The following ANO2 variants were observed in gnomAD, a reference collection of about 807,000 sequenced individuals.
The protein encoded by ANO2 is anoctamin 2, also known as anoctamin-2.
In ANO2, 101 loss-of-function variants were observed where a neutral mutation model predicts 124.2. The ratio of observed to expected loss-of-function variants is 0.81; its 90% CI spans 0.69 to 0.96. ANO2 has a LOEUF of 0.96. Among genes scored for constraint, ANO2 ranks in the 40% least tolerant of loss-of-function variants. The pLI is 0.00. For synonymous variants in ANO2, 486 were observed against 482.5 expected (o/e 1.01, Z -0.09); for missense variants, 1,293 against 1,274.5 (o/e 1.01, Z -0.22).
At chr12:5,885,334 T>C (rs932960899) in intron 3 of ANO2, among the ~76,000 whole-genome samples, 4 of 152,242 alleles carry the variant, frequency 2.6e-5, no homozygotes, top group African/African-American at 9.6e-5. Flanking sequence ...TGAATCAAAA[T>C]TGCACTAAAG....
intron 3 of ANO2, among the ~76,000 whole-genome samples, chr12:5,918,540 A>G (rs574124959): frequency 6.6e-6 from 1 of 151,860 alleles, no homozygotes; most frequent in South Asian, 2.1e-4. Flanking sequence ...CCCGGGTTCA[A>G]GCGATTCTTC....
intron 10 of ANO2, among the ~76,000 whole-genome samples, chr12:5,797,110 C>T (rs1307683746): frequency 1.3e-5 from 2 of 152,228 alleles, no homozygotes; most frequent in Non-Finnish European, 1.5e-5. Flanking sequence ...ATGAGGGCAA[C>T]TTCTCCGCGA....
chr12:5,728,288 T>C (rs1950519182), intron 14 of ANO2, among the ~76,000 whole-genome samples: 1 of 152,126 alleles, frequency 6.6e-6, no homozygotes. Flanking sequence ...TTAGAACTAA[T>C]AAATGAGTTC....
intron 15 of ANO2, among the ~76,000 whole-genome samples, chr12:5,639,290 A>G (rs372044057): frequency 6.6e-6 from 1 of 152,196 alleles, no homozygotes; most frequent in African/African-American, 2.4e-5. Flanking sequence ...TCATCGACAT[A>G]GTACGCTGCC....
intron 15 of ANO2, among the ~76,000 whole-genome samples, chr12:5,638,524 C>T (rs1946161817): frequency 1.7e-5 from 2 of 115,394 alleles, no homozygotes; most frequent in South Asian, 6.4e-4. Context: ...CGTGAGCCAC[C>T]ATGGCCGGCC....
At chr12:5,788,381 C>T (rs1461417705) in intron 10 of ANO2, among the ~76,000 whole-genome samples, 4 of 152,220 alleles carry the variant, frequency 2.6e-5, no homozygotes, top group African/African-American at 9.6e-5. Flanking sequence ...ATTAATAGCT[C>T]TCACTTTCAC....
chr12:5,946,141 G>A, upstream of ANO2: 1 of 1,613,804 alleles, frequency 6.2e-7, no homozygotes, highest in Non-Finnish European at 8.5e-7. This position sits in a 1 kb window ranked among gnomAD's most constrained non-coding sequence, Gnocchi z 4.1. Flanking sequence ...TGCCATTTGT[G>A]ATCACTGACC....
intron 20 of ANO2, among the ~76,000 whole-genome samples, 171 bp from the exon 21 acceptor site, chr12:5,578,689 T>G (rs1479020434): frequency 6.6e-6 from 1 of 152,210 alleles, no homozygotes; most frequent in Non-Finnish European, 1.5e-5. Flanking sequence ...TCTTTCTAAG[T>G]ACCTGCAGGC....
intron 4 of ANO2, among the ~76,000 whole-genome samples, chr12:5,834,670 C>G (rs1273544792): frequency 1.3e-5 from 2 of 152,200 alleles, no homozygotes; most frequent in Non-Finnish European, 2.9e-5. Context: ...TTTTTCTATG[C>G]ATTTTGATTT....
intron 13 of ANO2, among the ~76,000 whole-genome samples, chr12:5,733,472 G>C (rs1950727414): frequency 6.6e-6 from 1 of 152,194 alleles, no homozygotes; most frequent in Non-Finnish European, 1.5e-5. Context: ...ACATCTACAG[G>C]TGTGAGGACT....
chr12:5,727,787 G>A (rs1175920542), intron 14 of ANO2, among the ~76,000 whole-genome samples: 1 of 150,032 alleles, frequency 6.7e-6, no homozygotes, highest in African/African-American at 2.5e-5. Context: ...ACAGGTGCTT[G>A]CCACCACGCC....
At chr12:5,586,611 A>G (rs1943122289) in intron 20 of ANO2, among the ~76,000 whole-genome samples, 3 of 152,238 alleles carry the variant, frequency 2.0e-5, no homozygotes, top group African/African-American at 4.8e-5. Flanking sequence ...CCATGACCAA[A>G]GAATATCAGA....
intron 16 of ANO2, among the ~76,000 whole-genome samples, chr12:5,632,845 T>A (rs1201804155): frequency 6.6e-6 from 1 of 152,196 alleles, no homozygotes; most frequent in Non-Finnish European, 1.5e-5. Context: ...ACATCACCAT[T>A]GACTTTCTGT....
chr12:5,942,701 T>G (rs1942943143), intron 1 of ANO2, among the ~76,000 whole-genome samples: 1 of 152,262 alleles, frequency 6.6e-6, no homozygotes, highest in Non-Finnish European at 1.5e-5. Context: ...TAGACAATCC[T>G]CCAGATATCT....
chr12:5,708,806 G>A (rs1391355839), intron 14 of ANO2, among the ~76,000 whole-genome samples: 1 of 152,178 alleles, frequency 6.6e-6, no homozygotes, highest in Non-Finnish European at 1.5e-5. Flanking sequence ...CTCCTACTAA[G>A]TCTTAGTTAA....
intron 14 of ANO2, among the ~76,000 whole-genome samples, chr12:5,655,988 G>T (rs891067292): frequency 6.6e-6 from 1 of 152,328 alleles, no homozygotes; most frequent in East Asian, 1.9e-4. Context: ...GCAGCAAGGC[G>T]TCCATTAGAA....
intron 1 of ANO2, among the ~76,000 whole-genome samples, chr12:5,943,043 G>A (rs1447807572): frequency 6.6e-6 from 1 of 152,128 alleles, no homozygotes; most frequent in East Asian, 1.9e-4. Flanking sequence ...AACCACTATA[G>A]AAAAACAGTA....
At chr12:5,916,492 T>TAAAAAAAAAAAAAAAAAAA (rs57056611) in intron 3 of ANO2, among the ~76,000 whole-genome samples, 1 of 93,160 alleles carries the variant, frequency 1.1e-5, no homozygotes, top group Non-Finnish European at 2.0e-5. Context: ...CGCAGCAGGT[T>TAAAAAAAAAAAAAAAAAAA]AAAAAAAAAA....
chr12:5,627,318 G>A (rs1399354598), intron 16 of ANO2, among the ~76,000 whole-genome samples: 1 of 152,226 alleles, frequency 6.6e-6, no homozygotes, highest in East Asian at 1.9e-4. Context: ...CCAGAGAGCC[G>A]GGAGCCCCAG....
Sources: allele counts gnomAD v4.1 joint callset (sites outside exome capture counted in the v4.1 genomes callset), GRCh38; gene constraint gnomAD v4.1.1; non-coding constraint Gnocchi (gnomAD v3.1); transcripts MANE v1.5; gene names NCBI Gene and HGNC (gene_info 2026-07-23, HGNC 2026-07-21).